Variants in TBCK observed in about 807,000 individuals in gnomAD.
TBCK encodes the protein TBC1 domain containing kinase.
A neutral mutation model predicts 113.4 loss-of-function variants in TBCK; 99 were observed. The ratio of observed to expected loss-of-function variants is 0.87; its 90% CI spans 0.74 to 1.03. The LOEUF is 1.03. TBCK is among the 50% of genes least tolerant of loss of function. The pLI is 0.00. For missense variants in TBCK, 1,045 were observed against 1,061.3 expected (o/e 0.98, Z 0.21); for synonymous variants, 369 against 370.8 (o/e 1.00, Z 0.05).
chr4:106,100,782 G>C (rs1032128824), intron 24 of TBCK, among the ~76,000 whole-genome samples: 1 of 152,100 alleles, frequency 6.6e-6, no homozygotes, highest in Non-Finnish European at 1.5e-5. Context: ...TTTCAATGAG[G>C]CTACTTTTAC....
intron 3 of TBCK, among the ~76,000 whole-genome samples, chr4:106,278,939 C>CT (rs983525126): frequency 6.6e-6 from 1 of 152,050 alleles, no homozygotes; most frequent in African/African-American, 2.4e-5. Context: ...AAAAAAACCT[C>CT]TGAGTCTCTT....
chr4:106,131,339 G>T (rs151327021), intron 23 of TBCK, among the ~76,000 whole-genome samples: 6 of 152,344 alleles, frequency 3.9e-5, no homozygotes, highest in African/African-American at 1.2e-4. Flanking sequence ...TAGGCCAGGC[G>T]CCGTGGCTCA....
chr4:106,237,492 T>C (rs1159977148), intron 12 of TBCK: 2 of 455,818 alleles, frequency 4.4e-6, no homozygotes, highest in African/African-American at 4.0e-5. Context: ...CCATCTTGCC[T>C]GCTGCTCTGC....
chr4:106,170,662 A>G (rs577393614), intron 23 of TBCK, among the ~76,000 whole-genome samples: 1 of 152,122 alleles, frequency 6.6e-6, no homozygotes, highest in Admixed American at 6.6e-5. Context: ...GACCATATTT[A>G]TAAACTGTGT....
At chr4:106,230,229 C>G (rs932208503) in intron 19 of TBCK, 134 bp downstream of exon 19, 8 of 438,846 alleles carry the variant, frequency 1.8e-5, no homozygotes, top group Non-Finnish European at 3.2e-5. Flanking sequence ...TTTCTAATTT[C>G]TCTTTATGGA....
At chr4:106,197,693 C>T (rs1019073012) in intron 20 of TBCK, among the ~76,000 whole-genome samples, 15 of 151,982 alleles carry the variant, frequency 9.9e-5, no homozygotes, top group African/African-American at 3.6e-4. Flanking sequence ...TAAAAGCAAG[C>T]CTTGAAAGGA....
chr4:106,142,970 G>A lies in TBCK; in HGVS notation c.2236-26592C>T, dbSNP rs907184337. Reference sequence around the variant, plus strand: ...CATAGCCCTGATGTCTGTAGGAAGCGTGCCTTTGTTTCAAATCAGTTCAGC... The same window carrying A: ...CATAGCCCTGATGTCTGTAGGAAGCATGCCTTTGTTTCAAATCAGTTCAGC... On this transcript the variant is annotated intron_variant, in intron 23 of 25. Transcript: ENST00000394708. Among the ~76,000 whole-genome samples, 71 of 152,150 alleles carry A rather than the reference G, an allele frequency of 4.7e-4. 1 individual carries two copies. Among genetic ancestry groups the A allele is most frequent in the Admixed American group, 4.6e-3 (70 of 15,274 alleles).
intron 24 of TBCK, among the ~76,000 whole-genome samples, chr4:106,109,595 C>A (rs547700575): frequency 6.6e-6 from 1 of 152,196 alleles, no homozygotes; most frequent in Admixed American, 6.5e-5. Context: ...GAAGATGGAC[C>A]CCTTCCTTAC....
rs534915108 is a variant in TBCK, at chr4:106,232,678, G to T, written c.1639+260C>A. Among the ~76,000 whole-genome samples, 3 of 151,988 alleles carry T rather than the reference G, an allele frequency of 2.0e-5. No individual in the cohort carries two copies. In the South Asian group the frequency reaches 6.2e-4, roughly 31 times the overall value. On this transcript the variant is annotated intron_variant, in intron 17 of 25. Coordinates refer to ENST00000394708, the MANE Select transcript of TBCK (RefSeq NM_001163435.3). ...GGCGTTTAAAAAATGTATCCACAAA[G>T]ATCACAACAGCTCCAAATATTCTTT...
At chr4:106,183,274 T>C (rs1752614358) in intron 22 of TBCK, among the ~76,000 whole-genome samples, 2 of 151,990 alleles carry the variant, frequency 1.3e-5, no homozygotes, top group South Asian at 4.1e-4. Flanking sequence ...AACTTTCCAA[T>C]TGCATATAAA....
At chr4:106,066,143 T>A (rs1736611048) in intron 25 of TBCK, among the ~76,000 whole-genome samples, 2 of 152,042 alleles carry the variant, frequency 1.3e-5, no homozygotes, top group South Asian at 4.1e-4. Context: ...AAGCTGTATT[T>A]CTCAGATCCA....
Position 106,233,032 on chromosome 4 carries a change from G to C in TBCK, c.1545C>G (p.Tyr515Ter). 5 of 1,611,434 alleles carry C rather than the reference G, an allele frequency of 3.1e-6. No individual in the cohort carries two copies. The highest frequency in any genetic ancestry group is 4.2e-6 in the Non-Finnish European group (5 of 1,178,186). Residue 515 changes from tyrosine (Y) to a stop codon, truncating the protein, a stop_gained, in exon 17 of 26, where the codon TAC (tyrosine) becomes TAG (stop). Coordinates refer to ENST00000394708, the MANE Select transcript of TBCK (RefSeq NM_001163435.3). LOFTEE classifies it high-confidence loss of function. ...CTTCTGGTGATGATAACAGTTCATC[G>C]TACTGATGACAGCGAGGAATATCCA... ...IEVDIPRCHQYDELLSSPEGH... is the reference protein window; with the variant it reads ...IEVDIPRCHQ
chr4:106,141,832 T>C (rs1261852506), intron 23 of TBCK, among the ~76,000 whole-genome samples: 8 of 140,890 alleles, frequency 5.7e-5, no homozygotes, highest in African/African-American at 2.0e-4. Flanking sequence ...ATCACAATAC[T>C]AAAATAATTT....
In TBCK at chr4:106,110,406, C is replaced by T. The variant is rs143350970; in HGVS notation, c.2411+5797G>A. The stretch of plus-strand genomic sequence containing the variant: ...TCAGTAAGTCAGTAAGTCATTGGTG[C>T]CCACTCAGGATTTCCAAGTTGGAGA... On this transcript the variant is annotated intron_variant, in intron 24 of 25. Transcript: ENST00000394708. Among the ~76,000 whole-genome samples, 765 of 152,276 alleles carry T rather than the reference C, an allele frequency of 5.0e-3. 4 individuals carry two copies. The highest frequency in any genetic ancestry group is 0.018 in the African/African-American group (736 of 41,538).
intron 2 of TBCK, among the ~76,000 whole-genome samples, chr4:106,304,176 C>A (rs183679650): frequency 3.3e-5 from 5 of 152,248 alleles, no homozygotes; most frequent in African/African-American, 1.2e-4. Context: ...ACAGTGGTCA[C>A]CCTGCAGGCT....
At chr4:106,192,913 G>A (rs1753810814) in intron 22 of TBCK, among the ~76,000 whole-genome samples, 1 of 152,074 alleles carries the variant, frequency 6.6e-6, no homozygotes, top group Admixed American at 6.5e-5. Flanking sequence ...AAAGTACTGT[G>A]AAGTTTTTTC....
intron 19 of TBCK, among the ~76,000 whole-genome samples, chr4:106,229,988 T>C (rs1408862317): frequency 3.3e-5 from 5 of 151,984 alleles, no homozygotes; most frequent in African/African-American, 1.2e-4. Context: ...AAATGTAAAG[T>C]ATTTTTAATA....
Position 106,315,976 on chromosome 4 carries a change from A to C in TBCK, c.-75T>G, listed in dbSNP as rs1260033386. 6.6e-6 allele frequency: 1 copy of C among 152,588 alleles called. No homozygotes were observed. The highest frequency in any genetic ancestry group is 1.5e-5 in the Non-Finnish European group (1 of 68,394). 9.5% of individuals were successfully genotyped at this position (152,588 alleles called of 1,614,324 possible). A position where few individuals can be genotyped will look rare whatever the true frequency, so the allele number is the denominator to read the frequency against. On this transcript the variant is annotated 5_prime_UTR_variant, in exon 1 of 26. Coordinates refer to ENST00000394708, the MANE Select transcript of TBCK (RefSeq NM_001163435.3). ...GCAAGCACAAAGACAAGGGGGATGG[A>C]GCTTCTACACAGGGCCCCAGCGCTG... is the stretch of plus-strand genomic sequence containing the variant.
intron 22 of TBCK, among the ~76,000 whole-genome samples, chr4:106,186,209 T>C (rs1426561192): frequency 6.6e-6 from 1 of 152,216 alleles, no homozygotes; most frequent in Non-Finnish European, 1.5e-5. Flanking sequence ...TGCATGTGTC[T>C]TTATGGCAGA....
Sources: allele counts gnomAD v4.1 joint callset (sites outside exome capture counted in the v4.1 genomes callset), GRCh38; gene constraint gnomAD v4.1.1; transcripts MANE v1.5; gene names NCBI Gene and HGNC (gene_info 2026-07-23, HGNC 2026-07-21).